The following DCTPP1 variants were observed in gnomAD, a reference collection of about 807,000 sequenced individuals.
DCTPP1 encodes XTP3-transactivated gene A protein.
DCTPP1 carries 8 observed loss-of-function variants against 8.8 expected under a neutral mutation model. The ratio of observed to expected loss-of-function variants is 0.91; its 90% CI spans 0.54 to 1.64. The LOEUF is 1.64. Ranked by LOEUF, DCTPP1 falls within the 40% of genes most tolerant of loss-of-function variation. DCTPP1 has a pLI of 0.00. For synonymous variants in DCTPP1, 85 were observed against 92.1 expected (o/e 0.92, Z 0.44); for missense variants, 231 against 230.4 (o/e 1.00, Z -0.02).
At chr16:30,424,998 C>T (rs2050185068) in intron 2 of DCTPP1, among the ~76,000 whole-genome samples, 1 of 152,246 alleles carries the variant, frequency 6.6e-6, no homozygotes, top group South Asian at 2.1e-4. Flanking sequence ...CTCCTGCCTC[C>T]GTCTTCCGAG....
At chr16:30,425,427 G>A (rs1179261620) in intron 2 of DCTPP1, among the ~76,000 whole-genome samples, 2 of 152,164 alleles carry the variant, frequency 1.3e-5, no homozygotes, top group Non-Finnish European at 2.9e-5. Flanking sequence ...GGCAGAGGTT[G>A]CAGTGAGCCG....
At chr16:30,425,583 G>A (rs528076721) in intron 2 of DCTPP1, among the ~76,000 whole-genome samples, 7 of 151,988 alleles carry the variant, frequency 4.6e-5, no homozygotes, top group Admixed American at 2.6e-4. Context: ...GGGTGAAGTG[G>A]GTAGATCACC....
intron 2 of DCTPP1, among the ~76,000 whole-genome samples, chr16:30,427,932 C>T (rs1444651477): frequency 1.3e-5 from 2 of 152,158 alleles, no homozygotes; most frequent in East Asian, 3.8e-4. Context: ...GCTCCTGAGG[C>T]TTCAGTGAGC....
chr16:30,429,915 C>G lies in DCTPP1; in HGVS notation c.66G>C (p.Arg22=). ...GCGTGGGCTCCGGGCTGAAGCTGAA[C>G]CGGCCGGGAGCAGCAGTGTCCTCTC... The part of the protein sequence containing the change: ...TGGEDTAAPG[R]FSFSPEPTLE... The change falls in exon 1 of 3, where the codon CGG becomes CGC. Residue 22 remains arginine, a synonymous_variant. Coordinates refer to ENST00000319285, the MANE Select transcript of DCTPP1 (RefSeq NM_024096.2). 8.1e-6 allele frequency: 13 copies of G among 1,595,442 alleles called. No homozygotes were observed. Among genetic ancestry groups the G allele is most frequent in the South Asian group, 1.1e-5 (1 of 89,748 alleles).
At chr16:30,424,663 G>C (rs1163361994) in intron 2 of DCTPP1, 130 bp from the exon 3 acceptor site, 17 of 1,187,538 alleles carry the variant, frequency 1.4e-5, no homozygotes, top group Non-Finnish European at 1.6e-5. Flanking sequence ...AGAGTCAGGT[G>C]GGGAAGAGAC....
intron 2 of DCTPP1, among the ~76,000 whole-genome samples, chr16:30,427,899 G>C (rs555795649): frequency 2.0e-5 from 3 of 152,292 alleles, no homozygotes; most frequent in East Asian, 3.9e-4. Flanking sequence ...TACTCCGAAG[G>C]CTGAGGTGGG....
intron 2 of DCTPP1, among the ~76,000 whole-genome samples, chr16:30,427,462 G>A (rs1295526565): frequency 1.3e-5 from 2 of 151,778 alleles, no homozygotes; most frequent in Admixed American, 6.6e-5. Flanking sequence ...ACAGGCGCCC[G>A]CCACCATGCC....
intron 2 of DCTPP1, among the ~76,000 whole-genome samples, chr16:30,426,338 G>A (rs1271537568): frequency 1.3e-5 from 2 of 151,916 alleles, no homozygotes; most frequent in Non-Finnish European, 2.9e-5. Context: ...ACCACACCCA[G>A]CTAATTTTTT....
chr16:30,429,001 C>G, intron 2 of DCTPP1, 56 bp downstream of exon 2: 1 of 1,494,514 alleles, frequency 6.7e-7, no homozygotes, highest in South Asian at 1.3e-5. Flanking sequence ...CAAATAAATG[C>G]TCCCCTCCCC....
chr16:30,428,999 T>TGCTCC (rs1216500828), intron 2 of DCTPP1, 58 bp downstream of exon 2: 1 of 1,503,942 alleles, frequency 6.6e-7, no homozygotes, highest in Non-Finnish European at 9.0e-7. Context: ...ACCAAATAAA[T>TGCTCC]GCTCCCCTCC....
chr16:30,428,211 C>G (rs1209110354), intron 2 of DCTPP1, among the ~76,000 whole-genome samples: 1 of 152,182 alleles, frequency 6.6e-6, no homozygotes, highest in Admixed American at 6.5e-5. Context: ...CAACTCCCAC[C>G]CCTCTCCTCC....
chr16:30,427,049 G>A (rs1440742673), intron 2 of DCTPP1, among the ~76,000 whole-genome samples: 2 of 147,678 alleles, frequency 1.4e-5, no homozygotes, highest in African/African-American at 5.0e-5. Context: ...TTGCTCTGTC[G>A]CCCAGGCTAG....
In DCTPP1 at chr16:30,429,998, C is replaced by G; in HGVS notation, c.-18G>C. On this transcript the variant is annotated 5_prime_UTR_variant, in exon 1 of 3. Coordinates refer to ENST00000319285, the MANE Select transcript of DCTPP1 (RefSeq NM_024096.2). ...ACAGACATGCCGCCCACCGCTGCAC[C>G]GCGACTTCACGGAAAACCCACGAGC... The G allele has an allele frequency of 6.8e-7, 1 of 1,473,728 alleles. No homozygotes were observed. Among genetic ancestry groups the G allele is most frequent in the Non-Finnish European group, 9.0e-7 (1 of 1,111,562 alleles). 91.3% of individuals were successfully genotyped at this position (1,473,728 alleles called of 1,614,324 possible).
chr16:30,429,152 A>T lies in DCTPP1; in HGVS notation c.117T>A (p.Ala39=). The T allele has an allele frequency of 2.5e-6, 4 of 1,614,022 alleles. No homozygotes were observed. The highest frequency in any genetic ancestry group is 3.4e-6 in the Non-Finnish European group (4 of 1,179,962). ...PTLEDIRRLH[A]EFAAERDWEQ... ...CCCAGTCTCGTTCCGCAGCAAACTC[A>T]GCATGGAGGCGGCGGCTGAAATAGG... Residue 39 remains alanine (A), a synonymous_variant, in exon 2 of 3, where the codon GCT becomes GCA. Transcript: ENST00000319285.
Position 30,429,943 on chromosome 16 carries a change from C to G in DCTPP1, c.38G>C (p.Gly13Ala), listed in dbSNP as rs543674443. The G allele has an allele frequency of 5.7e-6, 9 of 1,586,306 alleles. No individual in the cohort carries two copies. Among genetic ancestry groups the G allele is most frequent in the East Asian group, 2.5e-5 (1 of 40,336 alleles). ...GCCGGGAGCAGCAGTGTCCTCTCCC[C>G]CCGTGTCCCCACGAATCTCCCCACC... The part of the protein sequence containing the change: ...VAGGEIRGDT[G>A]GEDTAAPGRF... Residue 13 changes from glycine (G) to alanine (A), a missense_variant, in exon 1 of 3, where the codon GGG (glycine) becomes GCG (alanine). Gly to Ala is a moderately conservative substitution (Grantham distance 60). Transcript: ENST00000319285.
chr16:30,424,474 G>T lies in DCTPP1; in HGVS notation c.272C>A (p.Ala91Asp). ...PQGWSPRERA[A>D]LQEELSDVLI... The stretch of plus-strand genomic sequence containing the variant: ...GACGTCACTAAGCTCCTCTTGAAGG[G>T]CTGCCCGTTCCCTGGGGGACCAGCC... The change falls in exon 3 of 3, where the codon GCC becomes GAC. Residue 91 changes from alanine to aspartate, a missense_variant. Ala to Asp is a moderately radical substitution (Grantham distance 126, BLOSUM62 -2). Coordinates refer to ENST00000319285, the MANE Select transcript of DCTPP1 (RefSeq NM_024096.2). The T allele has an allele frequency of 2.5e-6, 4 of 1,614,174 alleles. No homozygotes were observed. The highest frequency in any genetic ancestry group is 3.4e-6 in the Non-Finnish European group (4 of 1,180,040).
chr16:30,429,224 G>A, intron 1 of DCTPP1, 57 bp from the exon 2 acceptor site: 2 of 1,584,294 alleles, frequency 1.3e-6, no homozygotes, highest in South Asian at 2.2e-5. Context: ...GTGATGCAGG[G>A]GCCAGAGGCA....
At position 30,429,120 on chromosome 16, in the gene DCTPP1, A is replaced by C. The variant is rs1567445829; in HGVS notation, c.149T>G (p.Phe50Cys). 1.4e-5 allele frequency: 23 copies of C among 1,613,978 alleles called. No homozygotes were observed. Among genetic ancestry groups the C allele is most frequent in the Non-Finnish European group, 1.6e-5 (19 of 1,179,960 alleles). ...CAGGAGGAGATTCCGAGGCTGATGG[A>C]ACTGTTCCCAGTCTCGTTCCGCAGC... ...EFAAERDWEQ[F>C]HQPRNLLLAL... Residue 50 changes from phenylalanine to cysteine, a missense_variant, in exon 2 of 3, where the codon TTC (phenylalanine) becomes TGC (cysteine). Physicochemically the swap from Phe to Cys is radical, Grantham distance 205 (BLOSUM62 -2). Coordinates refer to ENST00000319285, the MANE Select transcript of DCTPP1 (RefSeq NM_024096.2).
chr16:30,424,695 G>A (rs1597036296), intron 2 of DCTPP1, among the ~76,000 whole-genome samples, 162 bp from the exon 3 acceptor site: 2 of 152,350 alleles, frequency 1.3e-5, no homozygotes, highest in African/African-American at 4.8e-5. Context: ...ATACCAAGAT[G>A]TCTGTGTCTC....
Sources: allele counts gnomAD v4.1 joint callset (sites outside exome capture counted in the v4.1 genomes callset), GRCh38; gene constraint gnomAD v4.1.1; transcripts MANE v1.5; gene names NCBI Gene and HGNC (gene_info 2026-07-23, HGNC 2026-07-21).